Variants in DPT observed in about 807,000 individuals in gnomAD.
DPT encodes the protein dermatopontin.
In DPT, 21 loss-of-function variants were observed where a neutral mutation model predicts 31.2. The observed-to-expected ratio is 0.67, with a 90% CI of 0.48 to 0.97. The LOEUF (loss-of-function observed/expected upper bound fraction) is 0.97. Among genes scored for constraint, DPT ranks in the 50% least tolerant of loss-of-function variants. The pLI is 0.00. For missense variants in DPT, 262 were observed against 258.8 expected (o/e 1.01, Z -0.08); for synonymous variants, 91 against 86.9 (o/e 1.05, Z -0.26).
intron 2 of DPT, among the ~76,000 whole-genome samples, chr1:168,701,367 G>T (rs2101899255): frequency 6.6e-6 from 1 of 152,150 alleles, no homozygotes; most frequent in Middle Eastern, 3.4e-3. Flanking sequence ...ACCTCCCCAG[G>T]CTTTGGAATT....
intron 3 of DPT, among the ~76,000 whole-genome samples, 192 bp from the exon 4 acceptor site, chr1:168,696,807 C>T (rs1649478108): frequency 6.6e-6 from 1 of 152,146 alleles, no homozygotes; most frequent in Admixed American, 6.5e-5. Flanking sequence ...TTCAGGTCAC[C>T]CTTGAAGGTG....
At chr1:168,723,540 A>G (rs1028854174) in intron 1 of DPT, among the ~76,000 whole-genome samples, 5 of 152,222 alleles carry the variant, frequency 3.3e-5, no homozygotes, top group African/African-American at 4.8e-5. Context: ...GGGCCATAGA[A>G]CCTATACTTA....
intron 2 of DPT, among the ~76,000 whole-genome samples, chr1:168,707,250 A>G (rs1649740380): frequency 6.6e-6 from 1 of 152,144 alleles, no homozygotes. Context: ...AATAAATATT[A>G]TTATTATCAT....
intron 2 of DPT, among the ~76,000 whole-genome samples, chr1:168,702,386 T>C (rs1283663998): frequency 6.6e-6 from 1 of 152,154 alleles, no homozygotes; most frequent in African/African-American, 2.4e-5. Flanking sequence ...ATTCTCTTGG[T>C]TCATAATCAT....
At chr1:168,699,525 A>G (rs1238172756) in intron 3 of DPT, among the ~76,000 whole-genome samples, 2 of 152,048 alleles carry the variant, frequency 1.3e-5, no homozygotes, top group Non-Finnish European at 2.9e-5. Flanking sequence ...ATGGGTAAAC[A>G]TAAAGGTTTT....
chr1:168,700,535 G>A (rs141563110), intron 3 of DPT, among the ~76,000 whole-genome samples: 1 of 152,256 alleles, frequency 6.6e-6, no homozygotes, highest in Non-Finnish European at 1.5e-5. Flanking sequence ...GGCACGGGGT[G>A]GAAGGGGGTC....
At chr1:168,706,248 T>C (rs1169423319) in intron 2 of DPT, among the ~76,000 whole-genome samples, 1 of 152,232 alleles carries the variant, frequency 6.6e-6, no homozygotes, top group African/African-American at 2.4e-5. Context: ...ATTTGCGGAT[T>C]TGGTGTGTTG....
At chr1:168,709,507 C>T (rs779047708) in intron 2 of DPT, among the ~76,000 whole-genome samples, 3 of 152,158 alleles carry the variant, frequency 2.0e-5, no homozygotes, top group South Asian at 4.1e-4. Flanking sequence ...AGAGAAACCG[C>T]ACAAGCTGAA....
At chr1:168,701,936 G>A (rs1649607590) in intron 2 of DPT, among the ~76,000 whole-genome samples, 1 of 149,996 alleles carries the variant, frequency 6.7e-6, no homozygotes, top group Admixed American at 6.6e-5. Flanking sequence ...GAATCACTAA[G>A]AACTATTTTG....
At chr1:168,709,222 TG>T (rs35266456) in intron 2 of DPT, among the ~76,000 whole-genome samples, 1 of 152,224 alleles carries the variant, frequency 6.6e-6, no homozygotes, top group Non-Finnish European at 1.5e-5. Flanking sequence ...AGTCTCCGCC[TG>T]GACAGTAGAC....
chr1:168,697,848 A>T (rs931763876), intron 3 of DPT, among the ~76,000 whole-genome samples: 2 of 152,200 alleles, frequency 1.3e-5, no homozygotes, highest in African/African-American at 4.8e-5. Flanking sequence ...TTCGCAGTTT[A>T]TTGTACTCAA....
intron 1 of DPT, among the ~76,000 whole-genome samples, chr1:168,724,009 A>G (rs1303942840): frequency 2.0e-5 from 3 of 152,190 alleles, no homozygotes; most frequent in Non-Finnish European, 4.4e-5. Context: ...AACTGATTTC[A>G]TCAGTTCTTC....
intron 1 of DPT, among the ~76,000 whole-genome samples, chr1:168,715,355 A>G (rs889197561): frequency 6.6e-6 from 1 of 151,776 alleles, no homozygotes; most frequent in Admixed American, 6.6e-5. Flanking sequence ...TTTTGCTGTG[A>G]TGATAACACT....
chr1:168,718,054 C>T (rs984914150), intron 1 of DPT, among the ~76,000 whole-genome samples: 1 of 152,196 alleles, frequency 6.6e-6, no homozygotes, highest in Non-Finnish European at 1.5e-5. Flanking sequence ...TAAGCTAGTG[C>T]TCTCTGTGAC....
intron 1 of DPT, among the ~76,000 whole-genome samples, chr1:168,724,628 G>A (rs1168104593): frequency 1.3e-5 from 2 of 152,164 alleles, no homozygotes; most frequent in Non-Finnish European, 2.9e-5. Flanking sequence ...AGATGTGTGG[G>A]GAGAGGAGGT....
intron 3 of DPT, among the ~76,000 whole-genome samples, chr1:168,700,455 T>G (rs968569991): frequency 1.3e-5 from 2 of 152,196 alleles, no homozygotes; most frequent in African/African-American, 2.4e-5. Context: ...TTCTGTGTGT[T>G]TCTTATCTCC....
At chr1:168,696,671 A>G in intron 3 of DPT, 56 bp from the exon 4 acceptor site, 2 of 1,502,456 alleles carry the variant, frequency 1.3e-6, no homozygotes, top group East Asian at 4.5e-5. Flanking sequence ...TGGCAGGAAG[A>G]ATCGCTGCTG....
chr1:168,696,705 T>C, intron 3 of DPT, 90 bp from the exon 4 acceptor site: 2 of 1,181,424 alleles, frequency 1.7e-6, no homozygotes, highest in South Asian at 1.3e-5. Context: ...AGAGAACATT[T>C]GGAGGATCTG....
At chr1:168,709,519 C>T (rs907017402) in intron 2 of DPT, among the ~76,000 whole-genome samples, 21 of 152,146 alleles carry the variant, frequency 1.4e-4, no homozygotes, top group African/African-American at 3.4e-4. Context: ...CAAGCTGAAA[C>T]GAGAGCAGCA....
Sources: allele counts gnomAD v4.1 joint callset (sites outside exome capture counted in the v4.1 genomes callset), GRCh38; gene constraint gnomAD v4.1.1; transcripts MANE v1.5; gene names NCBI Gene and HGNC (gene_info 2026-07-23, HGNC 2026-07-21).